Variants in NUBP1 observed in about 807,000 individuals in gnomAD.
NUBP1 encodes the protein cytosolic Fe-S cluster assembly factor NUBP1.
Under a neutral mutation model 41.8 loss-of-function variants are expected in NUBP1, and 46 were observed. That is an observed-to-expected ratio of 1.10 (90% CI 0.87 to 1.41). The LOEUF (loss-of-function observed/expected upper bound fraction) is 1.41. Among genes scored for constraint, NUBP1 ranks in the 40% most tolerant of loss-of-function variants. The pLI is 0.00. For missense variants in NUBP1, 494 were observed against 414.0 expected (o/e 1.19, Z -1.68); for synonymous variants, 189 against 154.6 (o/e 1.22, Z -1.65).
rs371658315 is a variant in NUBP1 at position 10,757,800 on chromosome 16, A to C, written c.452-73A>C. 7.1e-6 allele frequency: 11 copies of C among 1,555,522 alleles called. No homozygotes were observed. The African/African-American group carries it at 1.1e-4, about 16-fold the overall frequency. On this transcript the variant is annotated intron_variant, in intron 6 of 10. Transcript: ENST00000283027. The surrounding 1 kb of genome is among the most constrained non-coding windows in gnomAD (Gnocchi z 4.1). ...CAACATAGCAAGACCCCATCCTTTA[A>C]AAAAAAAAGAGGGAGTTGAAAGTAC...
chr16:10,754,008 A>G (rs552162742), intron 4 of NUBP1, among the ~76,000 whole-genome samples: 25 of 152,288 alleles, frequency 1.6e-4, no homozygotes, highest in East Asian at 1.2e-3. Context: ...ACATACCCCA[A>G]TGGATTTGGT....
At chr16:10,747,097 G>A in intron 2 of NUBP1, 46 bp from the exon 3 acceptor site, 4 of 1,608,544 alleles carry the variant, frequency 2.5e-6, no homozygotes, top group Non-Finnish European at 3.4e-6. Context: ...TGACATTCGA[G>A]GTTTGGTGTG....
In NUBP1 at chr16:10,756,788, A is replaced by G; in HGVS notation, c.451+8A>G. 6.3e-7 allele frequency: 1 copy of G among 1,589,670 alleles called. No homozygotes were observed. Among genetic ancestry groups the G allele is most frequent in the East Asian group, 2.4e-5 (1 of 42,494 alleles). ...GGGGACCCAAGAAAAACGGTTTGCC[A>G]CTCTGCCTTTTTTTGTCTCTCACAT... is the stretch of plus-strand genomic sequence containing the variant. On this transcript the variant is annotated splice_region_variant and intron_variant, in intron 6 of 10. Coordinates refer to ENST00000283027, the MANE Select transcript of NUBP1 (RefSeq NM_002484.4).
chr16:10,768,050 T>C lies in NUBP1; in HGVS notation c.904+18T>C. On this transcript the variant is annotated intron_variant, in intron 10 of 10. Coordinates refer to ENST00000283027, the MANE Select transcript of NUBP1 (RefSeq NM_002484.4). The surrounding 1 kb of genome is among the most constrained non-coding windows in gnomAD (Gnocchi z 4.3). The stretch of plus-strand genomic sequence containing the variant: ...AATTCAGAGTAAGTATTTCCATGAG[T>C]ACTAAATGCAGATGCCTGTGGGGCA... The C allele has an allele frequency of 6.2e-7, 1 of 1,610,802 alleles. No homozygotes were observed. The highest frequency in any genetic ancestry group is 2.2e-5 in the East Asian group (1 of 44,862).
At chr16:10,756,612 A>G (rs1900574463) in intron 5 of NUBP1, 78 bp from the exon 6 acceptor site, 5 of 1,100,522 alleles carry the variant, frequency 4.5e-6, no homozygotes, top group African/African-American at 1.7e-5. Flanking sequence ...TCAGAGCTCA[A>G]ACAGAAGACC....
Position 10,743,865 on chromosome 16 carries a change from TGGA to T in NUBP1, c.8_10del (p.Glu3?), listed in dbSNP as rs1567251586. ...CACGAAGGCGGCAAAGGCGACGGAA[TGGA>T]GGAGGTGCCTCACGGTAAGCTCGCG... is the stretch of plus-strand genomic sequence containing the variant. On this transcript the variant is annotated start_lost and inframe_deletion, in exon 1 of 11. Coordinates refer to ENST00000283027, the MANE Select transcript of NUBP1 (RefSeq NM_002484.4). 6.4e-6 allele frequency: 10 copies of T among 1,564,370 alleles called. No homozygotes were observed. The highest frequency in any genetic ancestry group is 8.7e-6 in the Non-Finnish European group (10 of 1,155,340).
chr16:10,762,046 G>A (rs551321444), intron 9 of NUBP1, 187 bp downstream of exon 9: 22 of 541,166 alleles, frequency 4.1e-5, no homozygotes, highest in African/African-American at 1.1e-4. Flanking sequence ...AGACCCCTGC[G>A]GGCAGGTAGC....
intron 3 of NUBP1, among the ~76,000 whole-genome samples, chr16:10,752,037 G>C (rs1900342589): frequency 6.6e-6 from 1 of 152,150 alleles, no homozygotes; most frequent in South Asian, 2.1e-4. Context: ...CAAAGTGTTG[G>C]GATTACAGGC....
At chr16:10,760,996 G>T in intron 7 of NUBP1, 1 of 195,760 alleles carries the variant, frequency 5.1e-6, no homozygotes, top group Non-Finnish European at 1.1e-5. Context: ...CATGGTGGAA[G>T]GCAAAGCAGG....
Position 10,768,052 on chromosome 16 carries a change from C to G in NUBP1, c.904+20C>G. ...TTCAGAGTAAGTATTTCCATGAGTA[C>G]TAAATGCAGATGCCTGTGGGGCAGG... is the stretch of plus-strand genomic sequence containing the variant. On this transcript the variant is annotated intron_variant, in intron 10 of 10. Transcript: ENST00000283027. This position sits in a 1 kb window ranked among gnomAD's most constrained non-coding sequence, Gnocchi z 4.3. 6.2e-7 allele frequency: 1 copy of G among 1,609,274 alleles called. No individual in the cohort carries two copies. The highest frequency in any genetic ancestry group is 8.5e-7 in the Non-Finnish European group (1 of 1,175,876).
At chr16:10,750,860 C>T (rs1453328754) in intron 3 of NUBP1, among the ~76,000 whole-genome samples, 1 of 152,234 alleles carries the variant, frequency 6.6e-6, no homozygotes, top group Non-Finnish European at 1.5e-5. Flanking sequence ...CTTGCAGCAT[C>T]TCCACCTTCT....
At position 10,743,944 on chromosome 16, in the gene NUBP1, G is replaced by C. The variant is rs115234481; in HGVS notation, c.20-17G>C. 1,406 of 1,592,124 alleles carry C rather than the reference G, an allele frequency of 8.8e-4. 16 individuals are homozygous for C. The African/African-American group carries it at 0.015, about 17-fold the overall frequency. On this transcript the variant is annotated splice_polypyrimidine_tract_variant and intron_variant, in intron 1 of 10. Coordinates refer to ENST00000283027, the MANE Select transcript of NUBP1 (RefSeq NM_002484.4). ...AGTGTCGGGAGCTGCTCTAACTGTG[G>C]TCTTGTCTCTGCGCAGACTGTCCAG...
chr16:10,762,981 G>A (rs1411404360), intron 9 of NUBP1, among the ~76,000 whole-genome samples: 3 of 152,108 alleles, frequency 2.0e-5, no homozygotes, highest in African/African-American at 4.8e-5. Flanking sequence ...CCTGGGATAG[G>A]GGTTCAGGAT....
chr16:10,754,047 A>G (rs993465284), intron 4 of NUBP1, among the ~76,000 whole-genome samples: 9 of 152,152 alleles, frequency 5.9e-5, no homozygotes, highest in Admixed American at 5.2e-4. Flanking sequence ...GGTATAAGCT[A>G]CTGTCATCAC....
At position 10,755,701 on chromosome 16, in the gene NUBP1, C is replaced by T. The variant is rs752765216; in HGVS notation, c.328-20C>T. On this transcript the variant is annotated intron_variant, in intron 4 of 10. Coordinates refer to ENST00000283027, the MANE Select transcript of NUBP1 (RefSeq NM_002484.4). The stretch of plus-strand genomic sequence containing the variant: ...GTACATGATTTCTACTAATGAACAT[C>T]GGTGCTCATGTTCACACAGGTTCAC... The T allele has an allele frequency of 1.2e-5, 19 of 1,612,356 alleles. No homozygotes were observed. The highest frequency in any genetic ancestry group is 4.5e-5 in the East Asian group (2 of 44,894).
At chr16:10,746,749 A>T (rs1175235184) in intron 2 of NUBP1, among the ~76,000 whole-genome samples, 1 of 151,984 alleles carries the variant, frequency 6.6e-6, no homozygotes, top group Non-Finnish European at 1.5e-5. Flanking sequence ...CAAAAAAAAA[A>T]GAAAGAAAGA....
rs1596446754 is a variant in NUBP1 at position 10,743,950 on chromosome 16, T to A, written c.20-11T>A. The stretch of plus-strand genomic sequence containing the variant: ...GGGAGCTGCTCTAACTGTGGTCTTG[T>A]CTCTGCGCAGACTGTCCAGGGGCCG... On this transcript the variant is annotated splice_polypyrimidine_tract_variant and intron_variant, in intron 1 of 10. Coordinates refer to ENST00000283027, the MANE Select transcript of NUBP1 (RefSeq NM_002484.4). 2 of 1,592,468 alleles carry A rather than the reference T, an allele frequency of 1.3e-6. No individual in the cohort carries two copies. Among genetic ancestry groups the A allele is most frequent in the Non-Finnish European group, 1.7e-6 (2 of 1,172,340 alleles).
rs575496444 is a variant in NUBP1, at chr16:10,763,111, G to A, written c.820+1252G>A. Among the ~76,000 whole-genome samples, 67 of 152,194 alleles carry A rather than the reference G, an allele frequency of 4.4e-4. 1 individual carries two copies. Among genetic ancestry groups the A allele is most frequent in the African/African-American group, 1.4e-3 (59 of 41,506 alleles). ...GTACAAGTCACCTGGAGGAGGGTCCGTCCCTCAGAGACAGTGAAGCAGGGG... is the reference window on the plus strand; with the variant it reads ...GTACAAGTCACCTGGAGGAGGGTCCATCCCTCAGAGACAGTGAAGCAGGGG... On this transcript the variant is annotated intron_variant, in intron 9 of 10. Transcript: ENST00000283027.
chr16:10,755,546 T>C (rs1369421397), intron 4 of NUBP1, among the ~76,000 whole-genome samples, 175 bp from the exon 5 acceptor site: 1 of 152,244 alleles, frequency 6.6e-6, no homozygotes, highest in Non-Finnish European at 1.5e-5. Flanking sequence ...GAGTTGCATC[T>C]TTATTACCCA....
Sources: allele counts gnomAD v4.1 joint callset (sites outside exome capture counted in the v4.1 genomes callset), GRCh38; gene constraint gnomAD v4.1.1; non-coding constraint Gnocchi (gnomAD v3.1); transcripts MANE v1.5; gene names NCBI Gene and HGNC (gene_info 2026-07-23, HGNC 2026-07-21).